PPIP5K2: variants seen among roughly 807,000 people sequenced by gnomAD.
PPIP5K2 encodes the protein inositol hexakisphosphate and diphosphoinositol-pentakisphosphate kinase 2.
PPIP5K2 carries 105 observed loss-of-function variants against 154.6 expected under a neutral mutation model. The ratio of observed to expected loss-of-function variants is 0.68; its 90% confidence interval spans 0.58 to 0.80. PPIP5K2 has a LOEUF of 0.80. PPIP5K2 is among the 30% of genes least tolerant of loss of function. The pLI, the probability that PPIP5K2 is intolerant of heterozygous loss-of-function variation, is 0.00. For synonymous variants in PPIP5K2, 480 were observed against 490.3 expected, an observed-to-expected ratio of 0.98 and a Z score of 0.28; for missense variants, 992 against 1,504.6, an observed-to-expected ratio of 0.66 and a Z score of 5.64.
chr5:103,194,805 T>A, intron 29 of PPIP5K2, 95 bp from the exon 30 acceptor site: 4 of 1,349,872 alleles, frequency 3.0e-6, no homozygotes, highest in Non-Finnish European at 4.0e-6. Flanking sequence ...TTATGAATAT[T>A]CGTAGGGTCA....
At position 103,209,733 on chromosome 5, in the gene PPIP5K2, A is replaced by T. The variant is rs1242837489; in HGVS notation, c.*8099A>T. On this transcript the variant is annotated 3_prime_UTR_variant, in exon 31 of 31. Coordinates refer to ENST00000358359, the MANE Select transcript of PPIP5K2 (RefSeq NM_001276277.3). ...TCAATGCTGAATAGAAAGCTTGATGATAAAGGTGGGTGGGTGGATGGATGG... is the reference window on the plus strand; with the variant it reads ...TCAATGCTGAATAGAAAGCTTGATGTTAAAGGTGGGTGGGTGGATGGATGG... 1 of 152,130 alleles carries T rather than the reference A, an allele frequency of 6.6e-6. No homozygotes were observed. The highest frequency in any genetic ancestry group is 1.5e-5 in the Non-Finnish European group (1 of 68,018). The allele number at this position is 152,130 out of a possible 1,614,324, so 9.4% of individuals were successfully genotyped here. A position where few individuals can be genotyped will look rare whatever the true frequency, so the allele number is the denominator to read the frequency against.
intron 13 of PPIP5K2, 44 bp downstream of exon 13, chr5:103,154,987 C>G: frequency 8.7e-7 from 1 of 1,154,236 alleles, no homozygotes; most frequent in Non-Finnish European, 1.2e-6. Context: ...CTACATATAG[C>G]TCTTCTTTTT....
chr5:103,158,058 T>C, intron 14 of PPIP5K2, 130 bp from the exon 15 acceptor site: 2 of 995,830 alleles, frequency 2.0e-6, no homozygotes, highest in Non-Finnish European at 2.9e-6. Context: ...GCAACAGCAT[T>C]TAAGGAAGAA....
In PPIP5K2 at chr5:103,187,388, T is replaced by C. The variant is rs1319866350; in HGVS notation, c.3352+12T>C. 2.0e-6 allele frequency: 3 copies of C among 1,525,054 alleles called. No individual in the cohort carries two copies. The highest frequency in any genetic ancestry group is 2.0e-5 in the Admixed American group (1 of 50,874). The allele number at this position is 1,525,054 out of a possible 1,614,324, so 94.5% of individuals were successfully genotyped here. ...ACACCCAACCAATGGTACGTTTTGC[T>C]TTTATTTTAAAAGATACTCCCCTGC... On this transcript the variant is annotated intron_variant, in intron 28 of 30. Transcript: ENST00000358359.
At chr5:103,128,027 T>G (rs1317369959) in intron 1 of PPIP5K2, among the ~76,000 whole-genome samples, 6 of 152,178 alleles carry the variant, frequency 3.9e-5, no homozygotes, top group African/African-American at 1.4e-4. Context: ...AGTAAATTAT[T>G]TCTGCTTTTA....
intron 28 of PPIP5K2, among the ~76,000 whole-genome samples, chr5:103,189,873 C>T (rs574707819): frequency 6.6e-6 from 1 of 152,094 alleles, no homozygotes; most frequent in East Asian, 1.9e-4. Flanking sequence ...TAATTTTGTA[C>T]TTTTAATGAT....
intron 23 of PPIP5K2, among the ~76,000 whole-genome samples, chr5:103,179,069 G>T (rs929012930): frequency 6.6e-6 from 1 of 151,848 alleles, no homozygotes; most frequent in Non-Finnish European, 1.5e-5. Flanking sequence ...GATTTTTTAT[G>T]TATATGATCA....
chr5:103,177,841 A>C (rs911093083), intron 22 of PPIP5K2, 23 bp from the exon 23 acceptor site: 1 of 1,602,902 alleles, frequency 6.2e-7, no homozygotes, highest in Non-Finnish European at 8.5e-7. Flanking sequence ...CTCATTTTGA[A>C]AATGTTCTGT....
At chr5:103,181,607 A>G (rs547839754) in intron 24 of PPIP5K2, among the ~76,000 whole-genome samples, 439 of 152,128 alleles carry the variant, frequency 2.9e-3, no homozygotes, top group Non-Finnish European at 5.0e-3. Flanking sequence ...ACACACATAT[A>G]TACATATATA....
chr5:103,174,049 T>G (rs1335875241), intron 21 of PPIP5K2, 77 bp downstream of exon 21: 1 of 1,150,750 alleles, frequency 8.7e-7, no homozygotes, highest in African/African-American at 1.6e-5. Context: ...ATTTTTACTG[T>G]GAAATTTTAG....
chr5:103,134,064 T>G (rs1376612797), intron 3 of PPIP5K2, among the ~76,000 whole-genome samples: 1 of 152,136 alleles, frequency 6.6e-6, no homozygotes, highest in African/African-American at 2.4e-5. Context: ...CACTGCATAT[T>G]TTTGTTTGCA....
intron 8 of PPIP5K2, among the ~76,000 whole-genome samples, chr5:103,150,588 C>A (rs1794474558): frequency 6.6e-6 from 1 of 152,082 alleles, no homozygotes; most frequent in African/African-American, 2.4e-5. Flanking sequence ...GCCTAGCTAA[C>A]ATAGCAAAAC....
chr5:103,143,208 G>T (rs1479482512), intron 5 of PPIP5K2, among the ~76,000 whole-genome samples: 3 of 152,184 alleles, frequency 2.0e-5, no homozygotes, highest in Admixed American at 6.5e-5. Context: ...TTACATATGT[G>T]TAGTATTTGA....
intron 5 of PPIP5K2, among the ~76,000 whole-genome samples, chr5:103,141,160 C>T (rs1326273196): frequency 6.6e-6 from 1 of 152,144 alleles, no homozygotes; most frequent in Admixed American, 6.5e-5. Context: ...GGTGAAACCC[C>T]GTCTTGTGTC....
intron 2 of PPIP5K2, among the ~76,000 whole-genome samples, chr5:103,130,736 A>G (rs1456350211): frequency 6.6e-6 from 1 of 152,186 alleles, no homozygotes; most frequent in Non-Finnish European, 1.5e-5. Flanking sequence ...AAAACATGAA[A>G]GCAGAGCGTC....
chr5:103,130,648 AAC>A (rs1416538830), intron 2 of PPIP5K2, among the ~76,000 whole-genome samples: 1 of 152,130 alleles, frequency 6.6e-6, no homozygotes, highest in Non-Finnish European at 1.5e-5. Flanking sequence ...GCCCCTGAAA[AAC>A]TAGATTTTCA....
At position 103,165,453 on chromosome 5, in the gene PPIP5K2, T is replaced by C. The variant is rs556840249; in HGVS notation, c.1921-1726T>C. 2.0e-4 allele frequency among the ~76,000 whole-genome samples: 30 copies of C among 152,236 alleles called. No individual in the cohort carries two copies. The South Asian group carries it at 6.2e-3, about 32-fold the overall frequency. On this transcript the variant is annotated intron_variant, in intron 17 of 30. Transcript: ENST00000358359. ...AAAAACTATACACAAATTTCAACTT[T>C]TTTTTACACTAAAATAATCTTGTAT... is the stretch of plus-strand genomic sequence containing the variant.
chr5:103,144,044 C>A (rs1554208258), intron 5 of PPIP5K2, among the ~76,000 whole-genome samples: 1 of 151,922 alleles, frequency 6.6e-6, no homozygotes, highest in African/African-American at 2.4e-5. Context: ...ATCCTAGAGT[C>A]TTTACCACAA....
intron 1 of PPIP5K2, among the ~76,000 whole-genome samples, chr5:103,124,310 C>A (rs1056826025): frequency 2.0e-5 from 3 of 151,446 alleles, no homozygotes; most frequent in Admixed American, 1.3e-4. Flanking sequence ...TCTTGTACTA[C>A]GACATATATC....
Sources: allele counts gnomAD v4.1 joint callset (sites outside exome capture counted in the v4.1 genomes callset), GRCh38; gene constraint gnomAD v4.1.1; transcripts MANE v1.5; gene names NCBI Gene and HGNC (gene_info 2026-07-23, HGNC 2026-07-21).